DIAPH3: variants seen among roughly 807,000 people sequenced by gnomAD.
DIAPH3 encodes protein diaphanous homolog 3.
A neutral mutation model predicts 144.3 loss-of-function variants in DIAPH3; 117 were observed. The ratio of observed to expected loss-of-function variants is 0.81; its 90% CI spans 0.70 to 0.95. DIAPH3 has a LOEUF of 0.95. Ranked by LOEUF, DIAPH3 falls within the 40% of genes least tolerant of loss-of-function variation. DIAPH3 has a pLI of 0.00. For missense variants in DIAPH3, 1,421 were observed against 1,412.7 expected (o/e 1.01, Z -0.09); for synonymous variants, 519 against 488.9 (o/e 1.06, Z -0.81).
At position 60,013,096 on chromosome 13, in the gene DIAPH3, G is replaced by A. The variant is rs534924992; in HGVS notation, c.772-2427C>T. On this transcript the variant is annotated intron_variant, in intron 7 of 27. Transcript: ENST00000400324. ...TTAATGAGGGCTGTTTTAGGTTAGA[G>A]AGGCATGACAAATTTTGAAAGGTCT... The A allele has an allele frequency of 3.5e-5, 34 of 985,324 alleles. 1 individual carries two copies. In the South Asian group the frequency reaches 1.5e-3, roughly 42 times the overall value. The allele number at this position is 985,324 out of a possible 1,614,324, so 61.0% of individuals were successfully genotyped here. A position where few individuals can be genotyped will look rare whatever the true frequency, so the allele number is the denominator to read the frequency against.
At chr13:59,805,877 GT>G (rs1196715332) in intron 25 of DIAPH3, among the ~76,000 whole-genome samples, 1 of 151,924 alleles carries the variant, frequency 6.6e-6, no homozygotes, top group East Asian at 1.9e-4. Context: ...TGAAATGATA[GT>G]GATAGTAAAT....
At chr13:60,106,412 A>T (rs2138023151) in intron 3 of DIAPH3, among the ~76,000 whole-genome samples, 2 of 152,302 alleles carry the variant, frequency 1.3e-5, no homozygotes, top group African/African-American at 4.8e-5. Flanking sequence ...GCATAGAGAT[A>T]TATATTTCTA....
At chr13:60,005,162 C>T (rs941676466) in intron 9 of DIAPH3, among the ~76,000 whole-genome samples, 33 of 152,208 alleles carry the variant, frequency 2.2e-4, no homozygotes, top group South Asian at 4.2e-4. Flanking sequence ...TCATGACAGA[C>T]GATTATGTGG....
intron 25 of DIAPH3, among the ~76,000 whole-genome samples, chr13:59,798,963 C>T (rs915718222): frequency 1.7e-4 from 26 of 151,994 alleles, no homozygotes; most frequent in African/African-American, 6.3e-4. Flanking sequence ...TGCAGAAGCA[C>T]CACAAGAAGC....
In DIAPH3 at chr13:59,742,033, G is replaced by A. The variant is rs187427748; in HGVS notation, c.3319+32156C>T. On this transcript the variant is annotated intron_variant, in intron 27 of 27. Transcript: ENST00000400324. ...GGGAGGCCTCCCAATCATGGCAGAA[G>A]GAGAAGGAAGAGCAAAGAGACTTCT... 4.6e-5 allele frequency among the ~76,000 whole-genome samples: 7 copies of A among 152,226 alleles called. No homozygotes were observed. The East Asian group carries it at 1.4e-3, about 30-fold the overall frequency.
chr13:59,999,326 T>C (rs965613914), intron 9 of DIAPH3, among the ~76,000 whole-genome samples: 10 of 152,214 alleles, frequency 6.6e-5, no homozygotes, highest in African/African-American at 2.4e-4. Context: ...CTTTTTAATT[T>C]ATAAAAATAT....
Position 59,823,832 on chromosome 13 carries a change from A to G in DIAPH3, c.3027+9275T>C, listed in dbSNP as rs1023444887. ...TCCTCCCTATCAAAAACAATTTTAC[A>G]CTAAAAATACCCTCTGACTGGATGA... On this transcript the variant is annotated intron_variant, in intron 24 of 27. Transcript: ENST00000400324. 9.2e-5 allele frequency among the ~76,000 whole-genome samples: 14 copies of G among 152,156 alleles called. No individual in the cohort carries two copies. The South Asian group carries it at 2.1e-3, about 23-fold the overall frequency.
At chr13:59,719,628 C>T (rs1241645239) in intron 27 of DIAPH3, among the ~76,000 whole-genome samples, 2 of 152,018 alleles carry the variant, frequency 1.3e-5, no homozygotes, top group African/African-American at 4.8e-5. Context: ...ACCCTGCAAC[C>T]TGAATTTGTG....
intron 3 of DIAPH3, among the ~76,000 whole-genome samples, chr13:60,105,412 G>C (rs545713816): frequency 6.6e-6 from 1 of 152,116 alleles, no homozygotes; most frequent in Admixed American, 6.5e-5. Flanking sequence ...CCATTTTATT[G>C]GTGCTACAAA....
chr13:60,055,518 A>G (rs933385256), intron 4 of DIAPH3, among the ~76,000 whole-genome samples: 1 of 151,938 alleles, frequency 6.6e-6, no homozygotes, highest in African/African-American at 2.4e-5. Flanking sequence ...AGCCTCAAAA[A>G]GGATATACTA....
chr13:59,920,559 T>C (rs2047458752), intron 18 of DIAPH3, among the ~76,000 whole-genome samples: 1 of 151,396 alleles, frequency 6.6e-6, no homozygotes, highest in African/African-American at 2.4e-5. Context: ...TATGTATATA[T>C]ATATATAATT....
chr13:60,134,930 G>A (rs1016346577), intron 1 of DIAPH3, among the ~76,000 whole-genome samples: 2 of 151,960 alleles, frequency 1.3e-5, no homozygotes, highest in Admixed American at 1.3e-4. Context: ...TAAAAAGTAA[G>A]AGTAAAAGAC....
chr13:60,137,085 T>C (rs1298233364), intron 1 of DIAPH3, among the ~76,000 whole-genome samples: 12 of 152,236 alleles, frequency 7.9e-5, no homozygotes, highest in Admixed American at 2.0e-4. Flanking sequence ...TCTCAAATAC[T>C]AATTCTATTT....
intron 7 of DIAPH3, chr13:60,013,210 G>T: frequency 1.0e-6 from 1 of 985,350 alleles, no homozygotes; most frequent in Non-Finnish European, 1.2e-6. Flanking sequence ...GCCAGGTTCC[G>T]CCTGCATTCC....
chr13:59,833,295 G>A, intron 23 of DIAPH3, 24 bp from the exon 24 acceptor site: 1 of 1,583,300 alleles, frequency 6.3e-7, no homozygotes, highest in Non-Finnish European at 8.6e-7. Flanking sequence ...AAGGTATTCT[G>A]AAATTTACAA....
intron 22 of DIAPH3, among the ~76,000 whole-genome samples, chr13:59,850,516 GT>G: frequency 6.6e-6 from 1 of 151,024 alleles, no homozygotes; most frequent in South Asian, 2.1e-4. Flanking sequence ...TTTATTGAGA[GT>G]TTTTAGCATG....
At chr13:59,723,783 T>C (rs1466927704) in intron 27 of DIAPH3, among the ~76,000 whole-genome samples, 1 of 151,238 alleles carries the variant, frequency 6.6e-6, no homozygotes, top group East Asian at 1.9e-4. Flanking sequence ...GCTAATTTTT[T>C]TTTGTATTTT....
chr13:59,916,110 G>A (rs1413008106), intron 19 of DIAPH3, 45 bp downstream of exon 19: 2 of 1,501,436 alleles, frequency 1.3e-6, no homozygotes, highest in East Asian at 4.5e-5. Flanking sequence ...TTAATGAGAA[G>A]CTTGCAATGA....
At chr13:60,151,294 A>T (rs1002889151) in intron 1 of DIAPH3, among the ~76,000 whole-genome samples, 2 of 152,150 alleles carry the variant, frequency 1.3e-5, no homozygotes, top group Non-Finnish European at 2.9e-5. Flanking sequence ...AAGCAAACAG[A>T]CTAATTACTT....
Sources: gnomAD v4.1 joint callset for allele counts (sites outside exome capture counted in the v4.1 genomes callset) on GRCh38, gnomAD v4.1.1 for gene constraint, MANE v1.5 for transcripts, NCBI Gene and HGNC (gene_info 2026-07-23, HGNC 2026-07-21) for gene names.